Variants in RUNX1 observed in about 807,000 individuals in gnomAD.
RUNX1 encodes runt-related transcription factor 1.
A neutral mutation model predicts 42.8 loss-of-function variants in RUNX1; 19 were observed. The ratio of observed to expected loss-of-function variants is 0.44; its 90% CI spans 0.31 to 0.65. RUNX1 has a LOEUF of 0.65. RUNX1 is among the 30% of genes least tolerant of loss of function. The probability of loss-of-function intolerance (pLI) is 0.07; values close to 1 mark genes in which losing one functional copy is unlikely to be tolerated. For missense variants in RUNX1, 528 were observed against 672.0 expected, an observed-to-expected ratio of 0.79 and a Z score of 2.37; for synonymous variants, 271 against 289.4, an observed-to-expected ratio of 0.94 and a Z score of 0.64.
intron 2 of RUNX1, among the ~76,000 whole-genome samples, chr21:34,946,555 G>C (rs749056230): frequency 8.5e-5 from 13 of 152,102 alleles, no homozygotes; most frequent in Non-Finnish European, 1.3e-4. Flanking sequence ...TCCATAGCTC[G>C]GCTTGATTCA....
intron 8 of RUNX1, among the ~76,000 whole-genome samples, chr21:34,794,447 T>C (rs558564896): frequency 7.5e-4 from 114 of 152,374 alleles, no homozygotes; most frequent in African/African-American, 2.5e-3. Context: ...TTCTCTATTA[T>C]GCACTTCACT....
At chr21:34,970,474 T>C (rs1292611037) in intron 2 of RUNX1, among the ~76,000 whole-genome samples, 1 of 152,240 alleles carries the variant, frequency 6.6e-6, no homozygotes, top group Non-Finnish European at 1.5e-5. Flanking sequence ...TGCTGTTTTA[T>C]TCTGATCCTG....
chr21:34,868,494 G>C (rs1015645214), intron 5 of RUNX1, among the ~76,000 whole-genome samples: 1 of 152,066 alleles, frequency 6.6e-6, no homozygotes, highest in African/African-American at 2.4e-5. Context: ...CCCAACCACC[G>C]CCACTGGAGC....
At chr21:35,010,744 C>A (rs543743598) in intron 2 of RUNX1, among the ~76,000 whole-genome samples, 2 of 152,222 alleles carry the variant, frequency 1.3e-5, no homozygotes, top group South Asian at 4.1e-4. Flanking sequence ...TGTAATTTTA[C>A]ATAAACACAC....
intron 2 of RUNX1, chr21:35,038,423 T>G (rs1454644175): frequency 7.3e-6 from 3 of 408,914 alleles, no homozygotes; most frequent in African/African-American, 2.1e-5. Flanking sequence ...GGGAAAGAAA[T>G]AAAGGTCTGT....
intron 2 of RUNX1, among the ~76,000 whole-genome samples, chr21:34,893,178 TCTC>T (rs1334972718): frequency 1.3e-5 from 2 of 152,156 alleles, no homozygotes; most frequent in Admixed American, 1.3e-4. Context: ...CAACCAATGT[TCTC>T]CTTCACTAGC....
chr21:35,046,936 C>T (rs1269951153), intron 2 of RUNX1, among the ~76,000 whole-genome samples: 1 of 152,142 alleles, frequency 6.6e-6, no homozygotes, highest in African/African-American at 2.4e-5. Flanking sequence ...TGTTCCTAAC[C>T]TAGCGCAGGT....
chr21:34,889,756 G>T, intron 3 of RUNX1: 2 of 1,158,784 alleles, frequency 1.7e-6, no homozygotes, highest in Non-Finnish European at 1.1e-6. Flanking sequence ...AGCTCGGAGG[G>T]CCCCGCCCCC....
At chr21:34,835,738 C>T (rs1039373022) in intron 6 of RUNX1, among the ~76,000 whole-genome samples, 1 of 152,182 alleles carries the variant, frequency 6.6e-6, no homozygotes, top group East Asian at 1.9e-4. Flanking sequence ...CCTCTGTTCC[C>T]TATTGCCAAA....
At chr21:34,967,115 T>TCGAGAC (rs1379275484) in intron 2 of RUNX1, among the ~76,000 whole-genome samples, 4 of 151,192 alleles carry the variant, frequency 2.6e-5, no homozygotes, top group African/African-American at 9.7e-5. Flanking sequence ...AGTCAGGAGA[T>TCGAGAC]CGAGACCAGC....
At chr21:35,015,297 C>CATAATA (rs2059151751) in intron 2 of RUNX1, among the ~76,000 whole-genome samples, 2 of 152,200 alleles carry the variant, frequency 1.3e-5, no homozygotes, top group South Asian at 4.1e-4. Context: ...ATAGACACCA[C>CATAATA]ATAATAATTA....
At chr21:34,937,230 C>T (rs2058492428) in intron 2 of RUNX1, among the ~76,000 whole-genome samples, 1 of 146,280 alleles carries the variant, frequency 6.8e-6, no homozygotes, top group African/African-American at 2.5e-5. Context: ...TCTTAATACT[C>T]AATTATTATT....
At chr21:34,952,701 G>A (rs1037890648) in intron 2 of RUNX1, among the ~76,000 whole-genome samples, 2 of 152,106 alleles carry the variant, frequency 1.3e-5, no homozygotes, top group Non-Finnish European at 2.9e-5. Context: ...TATTTGGGAC[G>A]TTTAATATAA....
chr21:34,821,528 A>C, intron 7 of RUNX1: 1 of 1,516,258 alleles, frequency 6.6e-7, no homozygotes, highest in Non-Finnish European at 8.9e-7. Context: ...CGGAGGAATT[A>C]CAGACCCACA....
chr21:35,016,739 G>C lies in RUNX1; in HGVS notation c.58+32103C>G, dbSNP rs1280225997. 3.9e-5 allele frequency among the ~76,000 whole-genome samples: 6 copies of C among 152,136 alleles called. No homozygotes were observed. In the East Asian group the frequency reaches 1.2e-3, roughly 29 times the overall value. ...AAAGGGACCAAGACAGGAATGCTGGGGACCTCTTAGCACTTGCCCCAGGCC... is the reference window on the plus strand; with the variant it reads ...AAAGGGACCAAGACAGGAATGCTGGCGACCTCTTAGCACTTGCCCCAGGCC... On this transcript the variant is annotated intron_variant, in intron 2 of 8. Coordinates refer to ENST00000675419, the MANE Select transcript of RUNX1 (RefSeq NM_001754.5).
At chr21:34,873,736 G>A (rs766569873) in intron 5 of RUNX1, among the ~76,000 whole-genome samples, 2 of 152,206 alleles carry the variant, frequency 1.3e-5, no homozygotes, top group Admixed American at 1.3e-4. Flanking sequence ...ACTGGGCAAT[G>A]TACTGGAATC....
intron 2 of RUNX1, among the ~76,000 whole-genome samples, chr21:34,917,075 T>C (rs1477272123): frequency 6.6e-6 from 1 of 152,108 alleles, no homozygotes; most frequent in Non-Finnish European, 1.5e-5. Flanking sequence ...TATAACTAAG[T>C]CTATGGCTAG....
rs1049041260 is a variant in RUNX1 at position 34,899,508 on chromosome 21, A to T, written c.59-6545T>A. Reference sequence around the variant, plus strand: ...AACCTCCAGAGCTGTGAGGAAATACATGTCTGCTGTTTAAGCCACCCAGTC... The same window carrying T: ...AACCTCCAGAGCTGTGAGGAAATACTTGTCTGCTGTTTAAGCCACCCAGTC... On this transcript the variant is annotated intron_variant, in intron 2 of 8. Coordinates refer to ENST00000675419, the MANE Select transcript of RUNX1 (RefSeq NM_001754.5). 3.3e-5 allele frequency among the ~76,000 whole-genome samples: 5 copies of T among 152,216 alleles called. No homozygotes were observed. The South Asian group carries it at 1.0e-3, about 32-fold the overall frequency.
At chr21:34,877,076 C>G (rs1240520174) in intron 5 of RUNX1, among the ~76,000 whole-genome samples, 1 of 152,160 alleles carries the variant, frequency 6.6e-6, no homozygotes, top group East Asian at 1.9e-4. Context: ...CCAGGCTGGT[C>G]TTGAACTCCT....
Sources: allele counts gnomAD v4.1 joint callset (sites outside exome capture counted in the v4.1 genomes callset), GRCh38; gene constraint gnomAD v4.1.1; transcripts MANE v1.5; gene names NCBI Gene and HGNC (gene_info 2026-07-23, HGNC 2026-07-21).